Variants in RAB5C observed in about 807,000 individuals in gnomAD.
RAB5C encodes RAB5C, member RAS oncogene family, also known as ras-related protein Rab-5C.
RAB5C carries 4 observed loss-of-function variants against 25.2 expected under a neutral mutation model. The ratio of observed to expected loss-of-function variants is 0.16; its 90% CI spans 0.08 to 0.36. The LOEUF (loss-of-function observed/expected upper bound fraction) is 0.36, where lower values mean the gene tolerates loss of function less well. RAB5C is among the 10% of genes least tolerant of loss of function. RAB5C has a pLI of 1.00. For synonymous variants in RAB5C, 100 were observed against 106.4 expected, an observed-to-expected ratio of 0.94 and a Z score of 0.37; for missense variants, 199 against 283.8, an observed-to-expected ratio of 0.70 and a Z score of 2.15.
At chr17:42,146,693 GAGCCAAGAT>G (rs2079637038) in intron 1 of RAB5C, among the ~76,000 whole-genome samples, 1 of 151,176 alleles carries the variant, frequency 6.6e-6, no homozygotes, top group Non-Finnish European at 1.5e-5. Context: ...AGGTTGCAGT[GAGCCAAGAT>G]GGCATCACTG....
intron 1 of RAB5C, among the ~76,000 whole-genome samples, chr17:42,132,360 C>T (rs1341733340): frequency 6.6e-6 from 1 of 152,154 alleles, no homozygotes; most frequent in East Asian, 1.9e-4. Context: ...CAATTAGCAA[C>T]CAGAAATACC....
At chr17:42,152,779 C>CAA (rs142043898) in intron 1 of RAB5C, among the ~76,000 whole-genome samples, 19 of 117,914 alleles carry the variant, frequency 1.6e-4, no homozygotes, top group African/African-American at 4.0e-4. Context: ...GCTCTGTCTC[C>CAA]AAAAAAAAAA....
At chr17:42,147,164 G>C (rs529764703) in intron 1 of RAB5C, among the ~76,000 whole-genome samples, 1 of 145,284 alleles carries the variant, frequency 6.9e-6, no homozygotes, top group Admixed American at 6.8e-5. Flanking sequence ...GAGAGAGAGA[G>C]AGAGAGAAAG....
intron 1 of RAB5C, among the ~76,000 whole-genome samples, chr17:42,152,650 A>C (rs2079679560): frequency 6.6e-6 from 1 of 151,838 alleles, no homozygotes; most frequent in Non-Finnish European, 1.5e-5. Flanking sequence ...GTGGTGGTGC[A>C]TGGCTGTAAT....
chr17:42,146,900 A>G (rs2079638464), intron 1 of RAB5C, among the ~76,000 whole-genome samples: 2 of 150,738 alleles, frequency 1.3e-5, no homozygotes, highest in Non-Finnish European at 1.5e-5. Flanking sequence ...CAGCTACTCG[A>G]GAGGCTGAGG....
chr17:42,125,810 G>C lies in RAB5C; in HGVS notation c.624C>G (p.Ala208=). ...AGTTGCTGCAGCACTGGCTCCGGCT[G>C]GCTGGGTTGTTCTCCTGGAGGTCCA... The part of the protein sequence containing the change: ...RGVDLQENNP[A]SRSQCCSN The change falls in exon 6 of 6, where the codon GCC becomes GCG. Residue 208 remains alanine, a synonymous_variant. Transcript: ENST00000346213. 6.2e-7 allele frequency: 1 copy of C among 1,609,128 alleles called. No homozygotes were observed. Among genetic ancestry groups the C allele is most frequent in the African/African-American group, 1.3e-5 (1 of 74,988 alleles).
At chr17:42,128,488 G>A in intron 3 of RAB5C, 105 bp from the exon 4 acceptor site, 1 of 1,473,314 alleles carries the variant, frequency 6.8e-7, no homozygotes. Flanking sequence ...CTAAGACATT[G>A]CCACCTAAAG....
chr17:42,142,883 A>G (rs1249744107), intron 1 of RAB5C, among the ~76,000 whole-genome samples: 1 of 152,180 alleles, frequency 6.6e-6, no homozygotes, highest in Non-Finnish European at 1.5e-5. Flanking sequence ...AAAGACACTG[A>G]CTGGCCCGGA....
chr17:42,128,826 G>A (rs1568018573), intron 2 of RAB5C, 26 bp from the exon 3 acceptor site: 1 of 1,438,932 alleles, frequency 6.9e-7, no homozygotes, highest in South Asian at 1.6e-5. Flanking sequence ...AGCGTCCATG[G>A]GCAAGAGCGA....
intron 1 of RAB5C, among the ~76,000 whole-genome samples, chr17:42,142,521 C>T (rs2079609373): frequency 6.6e-6 from 1 of 152,218 alleles, no homozygotes; most frequent in South Asian, 2.1e-4. Context: ...TCATTCATCA[C>T]CACGCTGTCT....
At chr17:42,130,639 C>T (rs745857834) in intron 1 of RAB5C, 49 bp from the exon 2 acceptor site, 23 of 1,467,352 alleles carry the variant, frequency 1.6e-5, no homozygotes, top group Admixed American at 4.6e-5. Context: ...GGCCGTCACC[C>T]GCTGTGTCCT....
chr17:42,138,565 T>C (rs2054560728), intron 1 of RAB5C, among the ~76,000 whole-genome samples: 2 of 152,150 alleles, frequency 1.3e-5, no homozygotes, highest in South Asian at 4.1e-4. Context: ...GTGAGCTGGG[T>C]CCCCTTCCAC....
intron 1 of RAB5C, among the ~76,000 whole-genome samples, chr17:42,147,103 A>C (rs1173686661): frequency 1.3e-5 from 2 of 151,636 alleles, no homozygotes; most frequent in African/African-American, 4.8e-5. Flanking sequence ...AAAGAAGGAA[A>C]GACAGAAAGA....
intron 1 of RAB5C, among the ~76,000 whole-genome samples, chr17:42,153,558 G>A (rs779199246): frequency 3.9e-5 from 6 of 152,174 alleles, no homozygotes; most frequent in Non-Finnish European, 5.9e-5. Flanking sequence ...TGGCAAGCGA[G>A]GGTGGTAAAG....
At chr17:42,130,705 C>T in intron 1 of RAB5C, 115 bp from the exon 2 acceptor site, 1 of 1,318,320 alleles carries the variant, frequency 7.6e-7, no homozygotes, top group South Asian at 1.6e-5. Flanking sequence ...TGACTGCTTC[C>T]CCTCACCTCA....
At chr17:42,138,103 G>T (rs1269759120) in intron 1 of RAB5C, among the ~76,000 whole-genome samples, 1 of 152,108 alleles carries the variant, frequency 6.6e-6, no homozygotes, top group Non-Finnish European at 1.5e-5. Context: ...ATAATAAAGA[G>T]AAACTGATAT....
chr17:42,144,104 C>A (rs2079618051), intron 1 of RAB5C, among the ~76,000 whole-genome samples: 1 of 152,010 alleles, frequency 6.6e-6, no homozygotes, highest in Non-Finnish European at 1.5e-5. Context: ...GGATTATAAA[C>A]CAAAGTGTAA....
chr17:42,144,762 A>T (rs1279288053), intron 1 of RAB5C, among the ~76,000 whole-genome samples: 2 of 151,522 alleles, frequency 1.3e-5, no homozygotes, highest in Non-Finnish European at 2.9e-5. Context: ...CCCTGTCTCT[A>T]CTAAAAATAC....
intron 1 of RAB5C, among the ~76,000 whole-genome samples, chr17:42,151,152 T>C (rs1236052771): frequency 1.3e-5 from 2 of 151,896 alleles, no homozygotes; most frequent in African/African-American, 4.8e-5. Context: ...AAGTAGAAGG[T>C]CTGGCCAGGC....
Sources: gnomAD v4.1 joint callset for allele counts (sites outside exome capture counted in the v4.1 genomes callset) on GRCh38, gnomAD v4.1.1 for gene constraint, MANE v1.5 for transcripts, NCBI Gene and HGNC (gene_info 2026-07-23, HGNC 2026-07-21) for gene names.